KLF8: variants seen among roughly 807,000 people sequenced by gnomAD.
KLF8 encodes the protein Krueppel-like factor 8.
In KLF8, 10 loss-of-function variants were observed where a neutral mutation model predicts 18.2. The observed-to-expected ratio is 0.55, with a 90% CI of 0.34 to 0.93. The LOEUF (loss-of-function observed/expected upper bound fraction) is 0.93, where lower values mean the gene tolerates loss of function less well. Among genes scored for constraint, KLF8 ranks in the 40% least tolerant of loss-of-function variants. The pLI is 0.02. For missense variants in KLF8, 264 were observed against 277.9 expected (o/e 0.95, Z 0.36); for synonymous variants, 109 against 97.3 (o/e 1.12, Z -0.71).
chrX:56,119,138 CAGAA>C, the KLF8 span, among the ~76,000 whole-genome samples: 1 of 111,653 alleles, frequency 9.0e-6, no homozygotes, highest in Non-Finnish European at 1.9e-5. Context: ...ATGTGAAAGA[CAGAA>C]GGAAGAGAAG....
At chrX:56,143,353 C>G in the KLF8 span, among the ~76,000 whole-genome samples, 1 of 112,328 alleles carries the variant, frequency 8.9e-6, no homozygotes, top group Non-Finnish European at 1.9e-5. Context: ...CCTAATCACT[C>G]ACTGTCTTTT....
chrX:55,908,655 C>A, the KLF8 span: 20 of 285,497 alleles, frequency 7.0e-5, no homozygotes, highest in Middle Eastern at 1.8e-3. Context: ...AGTCGGTGCC[C>A]ATTCCCCCTA....
chrX:55,995,312 C>T, the KLF8 span, among the ~76,000 whole-genome samples: 1 of 112,432 alleles, frequency 8.9e-6, no homozygotes, highest in Non-Finnish European at 1.9e-5. Flanking sequence ...TTGATTATAG[C>T]ATGCACTTGG....
upstream of KLF8, among the ~76,000 whole-genome samples, chrX:56,227,874 A>AAC (rs72391707): frequency 0.064 from 5,507 of 85,451 alleles, 320 homozygotes; most frequent in African/African-American, 0.17. Flanking sequence ...CCCTAGCCCC[A>AAC]ACACACACAC....
chrX:56,058,204 A>G, the KLF8 span, among the ~76,000 whole-genome samples: 1 of 86,453 alleles, frequency 1.2e-5, no homozygotes, highest in African/African-American at 4.9e-5. Flanking sequence ...ATATATATAT[A>G]CACATATATA....
At chrX:56,153,411 G>T in the KLF8 span, among the ~76,000 whole-genome samples, 1 of 110,953 alleles carries the variant, frequency 9.0e-6, no homozygotes, top group African/African-American at 3.3e-5. Context: ...TTAATGTCTA[G>T]TTTAAAAGAA....
chrX:56,252,154 A>C (rs1257075200), intron 2 of KLF8, among the ~76,000 whole-genome samples: 1 of 111,000 alleles, frequency 9.0e-6, no homozygotes, highest in African/African-American at 3.3e-5. Flanking sequence ...CTAGGACTAC[A>C]GGCACATGCC....
At chrX:55,986,691 T>C in the KLF8 span, among the ~76,000 whole-genome samples, 1 of 112,329 alleles carries the variant, frequency 8.9e-6, no homozygotes, top group Non-Finnish European at 1.9e-5. Flanking sequence ...TGAGATTATT[T>C]GATTTTTTCA....
chrX:56,134,599 G>A, the KLF8 span, among the ~76,000 whole-genome samples: 5 of 111,322 alleles, frequency 4.5e-5, no homozygotes, highest in African/African-American at 1.3e-4. Flanking sequence ...ATTGGCTTGG[G>A]CAAAGACTTC....
At chrX:56,237,923 TTC>T (rs2066497718) in intron 1 of KLF8, among the ~76,000 whole-genome samples, 1 of 111,744 alleles carries the variant, frequency 8.9e-6, no homozygotes, top group Non-Finnish European at 1.9e-5. Flanking sequence ...AAAGAGTGAA[TTC>T]TCTCTGGTGT....
the KLF8 span, among the ~76,000 whole-genome samples, chrX:56,216,934 T>C: frequency 1.6e-4 from 18 of 111,312 alleles, no homozygotes; most frequent in Admixed American, 4.8e-4. Flanking sequence ...TTATTCAACC[T>C]CAGGTAAGCC....
chrX:56,213,320 T>C, the KLF8 span, among the ~76,000 whole-genome samples: 4 of 73,676 alleles, frequency 5.4e-5, no homozygotes, highest in African/African-American at 1.0e-4. Flanking sequence ...TTTTCTTTTT[T>C]TTTTTTTTTT....
intron 5 of KLF8, among the ~76,000 whole-genome samples, chrX:56,275,982 A>C (rs919091297): frequency 2.1e-4 from 24 of 111,896 alleles, no homozygotes; most frequent in Non-Finnish European, 1.7e-4. Context: ...TATCAGGGTA[A>C]TACTGGCCTC....
At chrX:55,971,309 G>A in the KLF8 span, among the ~76,000 whole-genome samples, 1 of 111,279 alleles carries the variant, frequency 9.0e-6, no homozygotes, top group Non-Finnish European at 1.9e-5. Context: ...CATACATTGA[G>A]GAAAGGACAG....
the KLF8 span, among the ~76,000 whole-genome samples, chrX:56,221,277 G>A: frequency 1.8e-5 from 2 of 111,844 alleles, no homozygotes; most frequent in South Asian, 7.4e-4. Flanking sequence ...TCCTACTTCG[G>A]TCATGATTAG....
Position 56,265,696 on chromosome X carries a change from G to C in KLF8, c.598G>C (p.Ala200Pro), listed in dbSNP as rs1381116096. The change falls in exon 3 of 6, where the codon GCC becomes CCC. Residue 200 changes from alanine (A) to proline (P), a missense_variant. Transcript: ENST00000468660. Reference sequence around the variant, plus strand: ...TTTGCCTGCAGATGGGGGCCCTGCAGCCATTACAGTCCCACTCATTGGAGG... The same window carrying C: ...TTTGCCTGCAGATGGGGGCCCTGCACCCATTACAGTCCCACTCATTGGAGG... Reference protein sequence around the residue: ...TTLPADGGPAAITVPLIGGDG... With the variant: ...TTLPADGGPAPITVPLIGGDG... The C allele has an allele frequency of 3.3e-6, 4 of 1,205,848 alleles. No individual in the cohort carries two copies. Among genetic ancestry groups the C allele is most frequent in the Non-Finnish European group, 4.5e-6 (4 of 894,996 alleles).
the KLF8 span, among the ~76,000 whole-genome samples, chrX:56,006,858 G>T: frequency 8.9e-6 from 1 of 112,106 alleles, no homozygotes; most frequent in Non-Finnish European, 1.9e-5. Context: ...TTGTGCACAT[G>T]TGTACCAGTG....
chrX:55,933,507 G>A, the KLF8 span, among the ~76,000 whole-genome samples: 1 of 112,019 alleles, frequency 8.9e-6, no homozygotes, highest in Non-Finnish European at 1.9e-5. Context: ...TAAACAACCA[G>A]TTTAAGGGGA....
chrX:56,087,564 T>G, the KLF8 span, among the ~76,000 whole-genome samples: 1 of 110,744 alleles, frequency 9.0e-6, no homozygotes. Flanking sequence ...CCTGTTCTGG[T>G]TGTGGAACTG....
Sources: allele counts gnomAD v4.1 joint callset (sites outside exome capture counted in the v4.1 genomes callset), GRCh38; gene constraint gnomAD v4.1.1; transcripts MANE v1.5; gene names NCBI Gene and HGNC (gene_info 2026-07-23, HGNC 2026-07-21).